The following TTC5 variants were observed in gnomAD, a reference collection of about 807,000 sequenced individuals.
The protein encoded by TTC5 is tetratricopeptide repeat domain 5.
A neutral mutation model predicts 57.4 loss-of-function variants in TTC5; 46 were observed. The ratio of observed to expected loss-of-function variants is 0.80; its 90% confidence interval spans 0.63 to 1.03. The LOEUF is 1.03. Among genes scored for constraint, TTC5 ranks in the 50% least tolerant of loss-of-function variants. TTC5 has a pLI of 0.00. For synonymous variants in TTC5, 190 were observed against 203.5 expected (o/e 0.93, Z 0.57); for missense variants, 504 against 528.1 (o/e 0.95, Z 0.45).
chr14:20,305,677 T>A, intron 1 of TTC5: 1 of 604,656 alleles, frequency 1.7e-6, no homozygotes, highest in South Asian at 2.0e-5. Flanking sequence ...CATACAGGAC[T>A]GAAATTAACC....
chr14:20,300,736 C>T lies in TTC5; in HGVS notation c.267G>A (p.Glu89=). Residue 89 remains glutamate, a synonymous_variant, in exon 3 of 10, where the codon GAG becomes GAA. Coordinates refer to ENST00000258821, the MANE Select transcript of TTC5 (RefSeq NM_138376.3). The part of the protein sequence containing the change: ...NVTPDYSPKA[E]ELLSKAVKLE... ...GCTTCACAGCCTTTGACAGAAGCTCCTCAGCCTTAGGGCTATAGTCAGGAG... is the reference window on the plus strand; with the variant it reads ...GCTTCACAGCCTTTGACAGAAGCTCTTCAGCCTTAGGGCTATAGTCAGGAG... 6.2e-7 allele frequency: 1 copy of T among 1,614,166 alleles called. No individual in the cohort carries two copies. Among genetic ancestry groups the T allele is most frequent in the Non-Finnish European group, 8.5e-7 (1 of 1,180,026 alleles).
rs540187696 is a variant in TTC5 at position 20,287,179 on chromosome 14, C to T, written c.*2448G>A. On this transcript the variant is annotated 3_prime_UTR_variant, in exon 10 of 10. Transcript: ENST00000258821. ...GTGGTTCTCAAATTTTACTGTGCAT[C>T]AGAGTCACCTGGAGGGTTTGCGAAA... is the stretch of plus-strand genomic sequence containing the variant. The T allele has an allele frequency of 6.6e-6, 1 of 152,288 alleles. No individual in the cohort carries two copies. The highest frequency in any genetic ancestry group is 6.5e-5 in the Admixed American group (1 of 15,298). 9.4% of individuals were successfully genotyped at this position (152,288 alleles called of 1,614,324 possible).
Position 20,289,609 on chromosome 14 carries a change from G to A in TTC5, c.*18C>T, listed in dbSNP as rs1566387811. 2 of 1,606,886 alleles carry A rather than the reference G, an allele frequency of 1.2e-6. No individual in the cohort carries two copies. The highest frequency in any genetic ancestry group is 1.7e-5 in the Admixed American group (1 of 59,642). ...TGTCTCCTCTCCTCCACTCCCTGTT[G>A]AGCATGCAAGTCAAAGGTCATTCAC... On this transcript the variant is annotated 3_prime_UTR_variant, in exon 10 of 10. Coordinates refer to ENST00000258821, the MANE Select transcript of TTC5 (RefSeq NM_138376.3).
chr14:20,296,803 A>G (rs1882074337), intron 5 of TTC5, among the ~76,000 whole-genome samples: 1 of 152,210 alleles, frequency 6.6e-6, no homozygotes, highest in Non-Finnish European at 1.5e-5. Flanking sequence ...ACCTGAGGTC[A>G]GGAGCTCAAG....
At chr14:20,297,496 C>T (rs1882089731) in intron 5 of TTC5, among the ~76,000 whole-genome samples, 2 of 152,138 alleles carry the variant, frequency 1.3e-5, no homozygotes. Flanking sequence ...GATGACCAGG[C>T]ACGGTGGCTC....
intron 5 of TTC5, among the ~76,000 whole-genome samples, chr14:20,297,143 TA>T (rs1286753211): frequency 6.6e-6 from 1 of 152,218 alleles, no homozygotes; most frequent in Non-Finnish European, 1.5e-5. Context: ...CCTCTGCCCA[TA>T]AACCTAGCTC....
chr14:20,296,159 C>T (rs1594264055), intron 6 of TTC5, among the ~76,000 whole-genome samples: 1 of 152,096 alleles, frequency 6.6e-6, no homozygotes, highest in African/African-American at 2.4e-5. Flanking sequence ...TCTAAAAGAT[C>T]CCCCCATTCT....
rs1477572134 is a variant in TTC5 at position 20,289,753 on chromosome 14, AAGAC to A, written c.1204-11_1204-8del. 9 of 1,610,512 alleles carry A rather than the reference AAGAC, an allele frequency of 5.6e-6. No homozygotes were observed. Among genetic ancestry groups the A allele is most frequent in the African/African-American group, 2.7e-5 (2 of 74,800 alleles). On this transcript the variant is annotated splice_polypyrimidine_tract_variant and splice_region_variant and intron_variant, in intron 9 of 9. Coordinates refer to ENST00000258821, the MANE Select transcript of TTC5 (RefSeq NM_138376.3). The stretch of plus-strand genomic sequence containing the variant: ...CACTGGAAAAGGAATAGTCCTAGAA[AAGAC>A]AGACAGACAAAGGTTCACTACAGAT...
rs1235441910 is a variant in TTC5, at chr14:20,300,768, T to C, written c.235A>G (p.Asn79Asp). 1 of 1,614,146 alleles carries C rather than the reference T, an allele frequency of 6.2e-7. No individual in the cohort carries two copies. Among genetic ancestry groups the C allele is most frequent in the Admixed American group, 1.7e-5 (1 of 60,026 alleles). ...QVLMLTGKAL[N>D]VTPDYSPKAE... ...TTAGGGCTATAGTCAGGAGTCACAT[T>C]TAGTGCTTTCCCAGTTAGCATTAGA... The change falls in exon 3 of 10, where the codon AAT becomes GAT. Residue 79 changes from asparagine (N) to aspartate (D), a missense_variant. By Grantham distance (23) the Asn-to-Asp change is conservative. Coordinates refer to ENST00000258821, the MANE Select transcript of TTC5 (RefSeq NM_138376.3).
rs1208528933 is a variant in TTC5 at position 20,299,454 on chromosome 14, A to C, written c.397-6T>G. ...AAGGAGACTTTGTTCCTGCACTGCA[A>C]ATAGGAAGGGCACATACTCAATCTT... On this transcript the variant is annotated splice_region_variant and splice_polypyrimidine_tract_variant and intron_variant, in intron 3 of 9. Coordinates refer to ENST00000258821, the MANE Select transcript of TTC5 (RefSeq NM_138376.3). 6.2e-7 allele frequency: 1 copy of C among 1,613,532 alleles called. No individual in the cohort carries two copies. The highest frequency in any genetic ancestry group is 1.1e-5 in the South Asian group (1 of 91,074).
chr14:20,296,564 G>T, intron 5 of TTC5, 118 bp from the exon 6 acceptor site: 1 of 825,108 alleles, frequency 1.2e-6, no homozygotes, highest in Non-Finnish European at 2.1e-6. Flanking sequence ...TTGCCAAAAT[G>T]GTATTTATAC....
rs1881898183 is a variant in TTC5 at position 20,289,066 on chromosome 14, T to C, written c.*561A>G. 1 of 150,962 alleles carries C rather than the reference T, an allele frequency of 6.6e-6. No homozygotes were observed. Among genetic ancestry groups the C allele is most frequent in the Non-Finnish European group, 1.5e-5 (1 of 67,824 alleles). The allele number at this position is 150,962 out of a possible 1,614,324, so 9.4% of individuals were successfully genotyped here. A position where few individuals can be genotyped will look rare whatever the true frequency, so the allele number is the denominator to read the frequency against. ...AAAATGGGGGTATTACTCCAATAAA[T>C]TGAAGTGATCCTAAAACAAAGAATA... On this transcript the variant is annotated 3_prime_UTR_variant, in exon 10 of 10. Coordinates refer to ENST00000258821, the MANE Select transcript of TTC5 (RefSeq NM_138376.3).
At chr14:20,295,936 A>G (rs1882054143) in intron 6 of TTC5, 82 bp from the exon 7 acceptor site, 3 of 1,336,772 alleles carry the variant, frequency 2.2e-6, no homozygotes, top group Non-Finnish European at 3.0e-6. Context: ...AGGAATCTAG[A>G]GAAATAAACT....
rs757418730 is a variant in TTC5, at chr14:20,289,687, C to T, written c.1263G>A (p.Lys421=). ...CAGCCTGGCTGCTGGATCCCTGAGG[C>T]TTCCCATTCACCACTAGCAGGAGGG... is the stretch of plus-strand genomic sequence containing the variant. ...ETPLLLVVNG[K]PQGSSSQAVA... The change falls in exon 10 of 10, where the codon AAG becomes AAA. Residue 421 remains lysine, a synonymous_variant. Transcript: ENST00000258821. 1.9e-6 allele frequency: 3 copies of T among 1,613,954 alleles called. No individual in the cohort carries two copies. The highest frequency in any genetic ancestry group is 3.3e-5 in the Admixed American group (2 of 60,016).
chr14:20,295,494 C>T lies in TTC5; in HGVS notation c.876G>A (p.Met292Ile). The T allele has an allele frequency of 1.2e-6, 2 of 1,613,304 alleles. No homozygotes were observed. Among genetic ancestry groups the T allele is most frequent in the Admixed American group, 3.3e-5 (2 of 60,004 alleles). The change falls in exon 8 of 10, where the codon ATG (methionine) becomes ATA (isoleucine). Residue 292 changes from methionine to isoleucine, a missense_variant. Coordinates refer to ENST00000258821, the MANE Select transcript of TTC5 (RefSeq NM_138376.3). Reference protein sequence around the residue: ...GKVKTKKLQSMLGSLRPAHLG... With the variant: ...GKVKTKKLQSILGSLRPAHLG... Reference sequence around the variant, plus strand: ...GATGGGCTGGGCGCAAGCTTCCCAGCATGCTCTGCAGCTTTTTGGTCTTCA... The same window carrying T: ...GATGGGCTGGGCGCAAGCTTCCCAGTATGCTCTGCAGCTTTTTGGTCTTCA...
At chr14:20,295,200 G>C (rs1326154425) in intron 8 of TTC5, 112 bp downstream of exon 8, 2 of 940,072 alleles carry the variant, frequency 2.1e-6, no homozygotes, top group Non-Finnish European at 3.3e-6. Flanking sequence ...AAGGAAATCA[G>C]AAGTCACAAA....
rs774819158 is a variant in TTC5, at chr14:20,299,443, C to A, written c.402G>T (p.Arg134Ser). ...TCFSGALTHC[R>S]NKVSLQNLSM... ...ACAGGTTTTGCAAGGAGACTTTGTT[C>A]CTGCACTGCAAATAGGAAGGGCACA... is the stretch of plus-strand genomic sequence containing the variant. Residue 134 changes from arginine to serine, a missense_variant, in exon 4 of 10, where the codon AGG (arginine) becomes AGT (serine). Coordinates refer to ENST00000258821, the MANE Select transcript of TTC5 (RefSeq NM_138376.3). 3.7e-6 allele frequency: 6 copies of A among 1,613,782 alleles called. No individual in the cohort carries two copies. The highest frequency in any genetic ancestry group is 5.1e-6 in the Non-Finnish European group (6 of 1,180,028).
rs896190911 is a variant in TTC5 at position 20,295,173 on chromosome 14, C to G, written c.1058+139G>C. On this transcript the variant is annotated intron_variant, in intron 8 of 9. Transcript: ENST00000258821. ...TAAACATCACCCAGACAATATCTGCCCACGGGATAGTCACAGAAGGAAATC... is the reference window on the plus strand; with the variant it reads ...TAAACATCACCCAGACAATATCTGCGCACGGGATAGTCACAGAAGGAAATC... 5.4e-6 allele frequency: 4 copies of G among 740,978 alleles called. No individual in the cohort carries two copies. In the African/African-American group the frequency reaches 7.0e-5, roughly 13 times the overall value. The allele number at this position is 740,978 out of a possible 1,614,324, so 45.9% of individuals were successfully genotyped here. A position where few individuals can be genotyped will look rare whatever the true frequency, so the allele number is the denominator to read the frequency against.
intron 1 of TTC5, among the ~76,000 whole-genome samples, chr14:20,303,186 G>A (rs761457627): frequency 2.8e-5 from 4 of 144,438 alleles, no homozygotes; most frequent in African/African-American, 7.8e-5. Context: ...GCAAGACTCC[G>A]TCTCAAAAAA....
Sources: gnomAD v4.1 joint callset for allele counts (sites outside exome capture counted in the v4.1 genomes callset) on GRCh38, gnomAD v4.1.1 for gene constraint, MANE v1.5 for transcripts, NCBI Gene and HGNC (gene_info 2026-07-23, HGNC 2026-07-21) for gene names.